The following CFP variants were observed in gnomAD, a reference collection of about 807,000 sequenced individuals.
CFP encodes the protein complement factor properdin.
Under a neutral mutation model 42.1 loss-of-function variants are expected in CFP, and 14 were observed. That is an observed-to-expected ratio of 0.33 (90% CI 0.22 to 0.52). The LOEUF (loss-of-function observed/expected upper bound fraction) is 0.52, where lower values mean the gene tolerates loss of function less well. CFP is among the 20% of genes least tolerant of loss of function. CFP has a pLI of 0.96. For synonymous variants in CFP, 149 were observed against 160.6 expected (o/e 0.93, Z 0.54); for missense variants, 318 against 400.4 (o/e 0.79, Z 1.76).
rs2057958143 is a variant in CFP at position 47,624,005 on chromosome X, TG to T, written c.*269del. ...AGGGGGCTGCGCAGGGCCCAGACAT[TG>T]GGGTTATGGCAGCGGCGGGGAGAGG... On this transcript the variant is annotated 3_prime_UTR_variant, in exon 9 of 9. Coordinates refer to ENST00000396992, the MANE Select transcript of CFP (RefSeq NM_001145252.3). 1 of 373,349 alleles carries T rather than the reference TG, an allele frequency of 2.7e-6. No individual in the cohort carries two copies. Among genetic ancestry groups the T allele is most frequent in the Admixed American group, 4.3e-5 (1 of 23,030 alleles). The allele number at this position is 373,349 out of a possible 1,213,427, so 30.8% of individuals were successfully genotyped here.
At chrX:47,626,682 G>A in intron 6 of CFP, 91 bp downstream of exon 6, 4 of 1,098,389 alleles carry the variant, frequency 3.6e-6, no homozygotes, top group Non-Finnish European at 4.9e-6. Flanking sequence ...AGGAATCAGA[G>A]ACAGGAACAA....
chrX:47,625,744 CAG>C, intron 8 of CFP: 1 of 341,376 alleles, frequency 2.9e-6, no homozygotes, highest in Non-Finnish European at 5.3e-6. Context: ...CTGTGGGAGG[CAG>C]GCAGTGAATG....
At position 47,628,110 on chromosome X, in the gene CFP, C is replaced by T; in HGVS notation, c.395G>A (p.Cys132Tyr). 2 of 1,211,437 alleles carry T rather than the reference C, an allele frequency of 1.7e-6. No individual in the cohort carries two copies. Among genetic ancestry groups the T allele is most frequent in the African/African-American group, 1.7e-5 (1 of 57,797 alleles). ...WQLQACEDQQ[C>Y]CPEMGGWSGW... ...TTGCTCATCCTCCTCACCAGGACAG[C>T]ACTGCTGGTCCTCACAGGCCTGGAG... The change falls in exon 3 of 9, where the codon TGC becomes TAC. Residue 132 changes from cysteine to tyrosine, a missense_variant. Transcript: ENST00000396992.
chrX:47,623,993 G>A lies in CFP; in HGVS notation c.*282C>T, dbSNP rs890971903. 10 of 359,200 alleles carry A rather than the reference G, an allele frequency of 2.8e-5. No homozygotes were observed. Among genetic ancestry groups the A allele is most frequent in the Admixed American group, 2.3e-4 (5 of 22,157 alleles). The allele number at this position is 359,200 out of a possible 1,213,427, so 29.6% of individuals were successfully genotyped here. A position where few individuals can be genotyped will look rare whatever the true frequency, so the allele number is the denominator to read the frequency against. ...CCTGAGGCTCTAAGGGGGCTGCGCA[G>A]GGCCCAGACATTGGGGTTATGGCAG... On this transcript the variant is annotated 3_prime_UTR_variant, in exon 9 of 9. Transcript: ENST00000396992.
chrX:47,629,486 T>TTG, intron 2 of CFP, 38 bp downstream of exon 2: 1 of 669,645 alleles, frequency 1.5e-6, no homozygotes. Context: ...AGACAGTCCT[T>TTG]CCCTCCCCCC....
intron 4 of CFP, 55 bp from the exon 5 acceptor site, chrX:47,627,387 C>T: frequency 5.0e-6 from 6 of 1,191,868 alleles, no homozygotes; most frequent in Non-Finnish European, 6.8e-6. Flanking sequence ...TGCTAAAGTC[C>T]TCTCAGCCTG....
Position 47,628,086 on chromosome X carries a change from T to G in CFP, c.403+16A>C. 8.3e-7 allele frequency: 1 copy of G among 1,210,725 alleles called. No individual in the cohort carries two copies. The highest frequency in any genetic ancestry group is 1.8e-5 in the South Asian group (1 of 56,899). On this transcript the variant is annotated intron_variant, in intron 3 of 8. Coordinates refer to ENST00000396992, the MANE Select transcript of CFP (RefSeq NM_001145252.3). The stretch of plus-strand genomic sequence containing the variant: ...GGTGACAGGGAGTGCTTGCCCGCCT[T>G]GCTCATCCTCCTCACCAGGACAGCA...
In CFP at chrX:47,626,330, G is replaced by A; in HGVS notation, c.1130C>T (p.Pro377Leu). The change falls in exon 7 of 9, where the codon CCC (proline) becomes CTC (leucine). Residue 377 changes from proline (P) to leucine (L), a missense_variant and splice_region_variant. Pro to Leu is a moderately conservative substitution (Grantham distance 98, BLOSUM62 -3). Transcript: ENST00000396992. ...AGCACAGTCTGTGGGACACTCACAG[G>A]GGCAGTGCTGGATGCTGTAGCAGTG... ...IRHCYSIQHC[P>L]LKGSWSEWST... is the part of the protein sequence containing the mutation. The A allele has an allele frequency of 8.3e-7, 1 of 1,209,955 alleles. No individual in the cohort carries two copies. Among genetic ancestry groups the A allele is most frequent in the East Asian group, 3.0e-5 (1 of 33,811 alleles).
chrX:47,625,272 C>T (rs1443672512), intron 8 of CFP: 1 of 112,416 alleles, frequency 8.9e-6, no homozygotes, highest in Admixed American at 9.4e-5. Context: ...CTTCAGGCCC[C>T]ACTCTAACCC....
intron 2 of CFP, 100 bp from the exon 3 acceptor site, chrX:47,628,377 T>C: frequency 7.2e-6 from 6 of 833,700 alleles, no homozygotes; most frequent in Non-Finnish European, 1.1e-5. Flanking sequence ...GCTAGGCAAG[T>C]GCGTGTGCGA....
At position 47,629,510 on chromosome X, in the gene CFP, AGGCT is replaced by A; in HGVS notation, c.227+10_227+13del. The A allele has an allele frequency of 3.5e-6, 1 of 288,650 alleles. No individual in the cohort carries two copies. The highest frequency in any genetic ancestry group is 5.8e-6 in the Non-Finnish European group (1 of 173,855). 23.8% of individuals were successfully genotyped at this position (288,650 alleles called of 1,213,427 possible). A position where few individuals can be genotyped will look rare whatever the true frequency, so the allele number is the denominator to read the frequency against. ...TTCCCTCCCCCCCATCCCCCACCCC[AGGCT>A]CCCCCTAACCTGCAAGGCTGACAGA... is the stretch of plus-strand genomic sequence containing the variant. On this transcript the variant is annotated intron_variant, in intron 2 of 8. Transcript: ENST00000396992.
rs1427476310 is a variant in CFP at position 47,629,801 on chromosome X, G to A, written c.44C>T (p.Pro15Leu). 1.7e-6 allele frequency: 2 copies of A among 1,168,685 alleles called. No homozygotes were observed. The highest frequency in any genetic ancestry group is 2.4e-4 in the Middle Eastern group (1 of 4,148). Residue 15 changes from proline (P) to leucine (L), a missense_variant, in exon 1 of 9, where the codon CCG becomes CTG. Pro to Leu is a moderately conservative substitution (Grantham distance 98, BLOSUM62 -3). Transcript: ENST00000396992. ...TGGCAGGGTGAGCAGCAGGAGCAGC[G>A]GCGGCAGCAACAATCGAGGGGCCTG... ...GAQAPRLLLP[P>L]LLLLLTLPAT... is the part of the protein sequence containing the mutation.
chrX:47,629,500 C>CCCCCCCCCCCGCCCCCCCCAAA, intron 2 of CFP, 24 bp downstream of exon 2: 1 of 477,879 alleles, frequency 2.1e-6, no homozygotes, highest in Non-Finnish European at 3.6e-6. Context: ...TCCCCCCCAT[C>CCCCCCCCCCCGCCCCCCCCAAA]CCCCACCCCA....
At chrX:47,626,296 C>A in intron 7 of CFP, 32 bp downstream of exon 7, 3 of 1,201,530 alleles carry the variant, frequency 2.5e-6, no homozygotes, top group Non-Finnish European at 3.4e-6. Flanking sequence ...TGGGCCACCC[C>A]ACCCTCAGAG....
chrX:47,625,833 G>A (rs948382718), intron 8 of CFP: 7 of 446,600 alleles, frequency 1.6e-5, no homozygotes, highest in African/African-American at 7.3e-5. Context: ...CTAAGTGGAT[G>A]AGTGACTGAA....
intron 2 of CFP, 27 bp downstream of exon 2, chrX:47,629,497 C>CA: frequency 3.5e-5 from 27 of 774,670 alleles, no homozygotes; most frequent in African/African-American, 6.3e-5. Flanking sequence ...CCCTCCCCCC[C>CA]ATCCCCCACC....
At position 47,627,632 on chromosome X, in the gene CFP, C is replaced by A. The variant is rs768144373; in HGVS notation, c.413G>T (p.Gly138Val). ...EDQQCCPEMG[G>V]WSGWGPWEPC... ...CTCCCAGGGCCCCCAGCCAGACCAG[C>A]CGCCCATCTCTGTGGGAGAGAAGAG... The change falls in exon 4 of 9, where the codon GGC becomes GTC. Residue 138 changes from glycine to valine, a missense_variant. Transcript: ENST00000396992. The A allele has an allele frequency of 5.0e-6, 6 of 1,197,752 alleles. No individual in the cohort carries two copies. The highest frequency in any genetic ancestry group is 6.8e-6 in the Non-Finnish European group (6 of 887,532).
intron 8 of CFP, 118 bp from the exon 9 acceptor site, chrX:47,624,558 T>TC (rs2057961447): frequency 9.2e-5 from 42 of 455,926 alleles, no homozygotes; most frequent in Non-Finnish European, 1.2e-4. Flanking sequence ...TTTTTTTTTT[T>TC]CCTTTTTTTT....
In CFP at chrX:47,627,401, G is replaced by T. The variant is rs909452339; in HGVS notation, c.575-69C>A. 2.8e-5 allele frequency: 34 copies of T among 1,195,506 alleles called. No homozygotes were observed. The African/African-American group carries it at 5.8e-4, about 20-fold the overall frequency. ...ATGCTAAAGTCCTCTCAGCCTGGCA[G>T]TTCCCTGCTGTAACCCCGCAGACCC... On this transcript the variant is annotated intron_variant, in intron 4 of 8. Coordinates refer to ENST00000396992, the MANE Select transcript of CFP (RefSeq NM_001145252.3).
Sources: gnomAD v4.1 joint callset for allele counts on GRCh38, gnomAD v4.1.1 for gene constraint, MANE v1.5 for transcripts, NCBI Gene and HGNC (gene_info 2026-07-23, HGNC 2026-07-21) for gene names.